The following TSHZ2 variants were observed in gnomAD, a reference collection of about 807,000 sequenced individuals.
TSHZ2 encodes teashirt homolog 2.
TSHZ2 carries 21 observed loss-of-function variants against 74.4 expected under a neutral mutation model. The observed-to-expected ratio is 0.28, with a 90% confidence interval of 0.20 to 0.41. The LOEUF (loss-of-function observed/expected upper bound fraction) is 0.41. TSHZ2 is among the 10% of genes least tolerant of loss of function. The probability of loss-of-function intolerance (pLI) is 1.00; values close to 1 mark genes in which losing one functional copy is unlikely to be tolerated. For missense variants in TSHZ2, 1,244 were observed against 1,293.5 expected, an observed-to-expected ratio of 0.96 and a Z score of 0.59; for synonymous variants, 540 against 515.3, an observed-to-expected ratio of 1.05 and a Z score of -0.65.
In TSHZ2 at chr20:52,994,223, T is replaced by C. The variant is rs534343419; in HGVS notation, c.40+20890T>C. 2.6e-5 allele frequency among the ~76,000 whole-genome samples: 4 copies of C among 152,336 alleles called. No individual in the cohort carries two copies. In the East Asian group the frequency reaches 5.8e-4, roughly 22 times the overall value. Reference sequence around the variant, plus strand: ...AGCCTCTGCTTTCAGAGGTTAGCAATGGAGTGCCCAGAATAACGTCCGGAA... The same window carrying C: ...AGCCTCTGCTTTCAGAGGTTAGCAACGGAGTGCCCAGAATAACGTCCGGAA... On this transcript the variant is annotated intron_variant, in intron 1 of 2. Coordinates refer to ENST00000371497, the MANE Select transcript of TSHZ2 (RefSeq NM_173485.6).
At position 53,190,086 on chromosome 20, in the gene TSHZ2, A is replaced by AATATATATATATAT. The variant is rs544193424; in HGVS notation, c.41-63374_41-63361dup. On this transcript the variant is annotated intron_variant, in intron 1 of 2. Coordinates refer to ENST00000371497, the MANE Select transcript of TSHZ2 (RefSeq NM_173485.6). ...GGTGACCAAACAAGACCCTGTCTCA[A>AATATATATATATAT]ATATATATATATATATATATATATA... Among the ~76,000 whole-genome samples the AATATATATATATAT allele has an allele frequency of 8.0e-3, 201 of 25,024 alleles. 9 individuals carry two copies. Among genetic ancestry groups the AATATATATATATAT allele is most frequent in the Non-Finnish European group, 0.012 (114 of 9,646 alleles). 16.4% of individuals were successfully genotyped at this position (25,024 alleles called of 152,430 possible).
intron 1 of TSHZ2, chr20:53,185,528 T>G: frequency 7.0e-7 from 1 of 1,419,934 alleles, no homozygotes; most frequent in South Asian, 1.3e-5. Context: ...GCAGGAGAAT[T>G]CCTTGAACTG....
At chr20:53,142,750 A>G (rs1206318123) in intron 1 of TSHZ2, among the ~76,000 whole-genome samples, 1 of 152,072 alleles carries the variant, frequency 6.6e-6, no homozygotes, top group Admixed American at 6.6e-5. Context: ...TTAAAATTCC[A>G]GAAAACCCTG....
chr20:53,041,013 C>A (rs367963242), intron 1 of TSHZ2, among the ~76,000 whole-genome samples: 1 of 152,190 alleles, frequency 6.6e-6, no homozygotes, highest in East Asian at 1.9e-4. Context: ...CAAGGGGAAA[C>A]GAAACTGGTT....
At chr20:52,977,838 G>A (rs777473009) in intron 1 of TSHZ2, among the ~76,000 whole-genome samples, 3 of 152,196 alleles carry the variant, frequency 2.0e-5, no homozygotes, top group Non-Finnish European at 4.4e-5. Flanking sequence ...CAGGGGCTCC[G>A]GGAAACTTCT....
chr20:53,106,773 A>T (rs1440715199), intron 1 of TSHZ2, among the ~76,000 whole-genome samples: 5 of 121,364 alleles, frequency 4.1e-5, no homozygotes, highest in African/African-American at 1.6e-4. Flanking sequence ...TCTTGGCTCA[A>T]TGCAACCTCC....
chr20:53,383,483 G>A (rs1004119649), intron 2 of TSHZ2, among the ~76,000 whole-genome samples: 1 of 152,076 alleles, frequency 6.6e-6, no homozygotes, highest in Admixed American at 6.5e-5. Flanking sequence ...TTAAGGGCCT[G>A]GTGCGGTGGC....
At chr20:53,055,312 G>A (rs1392056308) in intron 1 of TSHZ2, among the ~76,000 whole-genome samples, 2 of 152,152 alleles carry the variant, frequency 1.3e-5, no homozygotes, top group African/African-American at 4.8e-5. Context: ...TTGATTAAAT[G>A]AGTCCAAAGT....
At chr20:53,135,524 C>T (rs547922245) in intron 1 of TSHZ2, among the ~76,000 whole-genome samples, 5 of 152,144 alleles carry the variant, frequency 3.3e-5, no homozygotes, top group South Asian at 2.1e-4. Flanking sequence ...GATGCACTGC[C>T]GTTTGTTGAT....
intron 2 of TSHZ2, among the ~76,000 whole-genome samples, chr20:53,440,572 G>A (rs1344461865): frequency 6.6e-6 from 1 of 152,164 alleles, no homozygotes; most frequent in East Asian, 1.9e-4. Flanking sequence ...CCACAGCAGT[G>A]GGGAAGACAG....
chr20:53,205,634 C>T (rs371252865), intron 1 of TSHZ2, among the ~76,000 whole-genome samples: 10 of 152,104 alleles, frequency 6.6e-5, no homozygotes, highest in South Asian at 2.1e-4. Flanking sequence ...ACATGAGATC[C>T]GAGCATATTT....
At chr20:53,121,429 T>TGAGGACAAATAA (rs56060906) in intron 1 of TSHZ2, among the ~76,000 whole-genome samples, 4 of 151,780 alleles carry the variant, frequency 2.6e-5, no homozygotes, top group African/African-American at 9.7e-5. Flanking sequence ...CAGAGGATTA[T>TGAGGACAAATAA]GTTTCAGTCC....
intron 1 of TSHZ2, among the ~76,000 whole-genome samples, chr20:52,989,887 C>T (rs1269040395): frequency 6.7e-6 from 1 of 149,954 alleles, no homozygotes; most frequent in African/African-American, 2.5e-5. Flanking sequence ...TATGTTTGGA[C>T]TCTAACCAAG....
At chr20:53,115,073 T>A (rs1020537034) in intron 1 of TSHZ2, among the ~76,000 whole-genome samples, 1 of 152,204 alleles carries the variant, frequency 6.6e-6, no homozygotes, top group Non-Finnish European at 1.5e-5. Context: ...CCTTACCTTG[T>A]CAGGCTTCCT....
At chr20:53,445,293 G>A (rs1048695825) in intron 2 of TSHZ2, among the ~76,000 whole-genome samples, 5 of 152,074 alleles carry the variant, frequency 3.3e-5, no homozygotes, top group South Asian at 2.1e-4. Flanking sequence ...CAACAGTTAC[G>A]GTAAATATAA....
At chr20:53,040,624 A>G (rs1984004201) in intron 1 of TSHZ2, among the ~76,000 whole-genome samples, 1 of 149,566 alleles carries the variant, frequency 6.7e-6, no homozygotes, top group Non-Finnish European at 1.5e-5. Flanking sequence ...GCATTTTATC[A>G]TCAAAGTGAG....
intron 1 of TSHZ2, among the ~76,000 whole-genome samples, chr20:53,021,602 A>G (rs890696995): frequency 6.6e-6 from 1 of 152,186 alleles, no homozygotes; most frequent in African/African-American, 2.4e-5. Context: ...ATAAATATGC[A>G]TCTCTGTTTT....
At chr20:53,208,496 T>G (rs1989226571) in intron 1 of TSHZ2, 1 of 152,190 alleles carries the variant, frequency 6.6e-6, no homozygotes, top group African/African-American at 2.4e-5. Flanking sequence ...ACTCCCCAAG[T>G]ATTGTAACTT....
intron 2 of TSHZ2, among the ~76,000 whole-genome samples, chr20:53,331,267 T>G (rs1483953194): frequency 6.6e-6 from 1 of 152,086 alleles, no homozygotes; most frequent in African/African-American, 2.4e-5. Flanking sequence ...TCTGAGAAAT[T>G]TATAGGGCAG....
Sources: allele counts gnomAD v4.1 joint callset (sites outside exome capture counted in the v4.1 genomes callset), GRCh38; gene constraint gnomAD v4.1.1; transcripts MANE v1.5; gene names NCBI Gene and HGNC (gene_info 2026-07-23, HGNC 2026-07-21).